SMARCA2: variants seen among roughly 807,000 people sequenced by gnomAD.
SMARCA2 encodes SWI/SNF-related matrix-associated actin-dependent regulator of chromatin subfamily A member 2.
Under a neutral mutation model 199.8 loss-of-function variants are expected in SMARCA2, and 61 were observed. That is an observed-to-expected ratio of 0.31 (90% CI 0.25 to 0.38). The LOEUF (loss-of-function observed/expected upper bound fraction) is 0.38. Ranked by LOEUF, SMARCA2 falls within the 10% of genes least tolerant of loss-of-function variation. The pLI is 1.00. For missense variants in SMARCA2, 1,344 were observed against 2,012.2 expected (o/e 0.67, Z 6.35); for synonymous variants, 935 against 732.0 (o/e 1.28, Z -4.48).
intron 21 of SMARCA2, among the ~76,000 whole-genome samples, chr9:2,097,825 C>G (rs2130530307): frequency 6.6e-6 from 1 of 152,270 alleles, no homozygotes; most frequent in African/African-American, 2.4e-5. Context: ...ATACATTCAG[C>G]TTCCTCAAAA....
At position 2,115,266 on chromosome 9, in the gene SMARCA2, T is replaced by G. The variant is rs375985577; in HGVS notation, c.3457-556T>G. 7.9e-4 allele frequency among the ~76,000 whole-genome samples: 120 copies of G among 152,290 alleles called. No homozygotes were observed. In the Middle Eastern group the frequency reaches 0.014, roughly 17 times the overall value. On this transcript the variant is annotated intron_variant, in intron 24 of 33. Transcript: ENST00000349721. The surrounding 1 kb of genome is among the most constrained non-coding windows in gnomAD (Gnocchi z 6.0). ...TACCCAACTAGCAATCCTTTTGATTTCCCAGATTGAAGACCGAGTCTTTGA... is the reference window on the plus strand; with the variant it reads ...TACCCAACTAGCAATCCTTTTGATTGCCCAGATTGAAGACCGAGTCTTTGA...
In SMARCA2 at chr9:2,039,421, G is replaced by A. The variant is rs371392379; in HGVS notation, c.356-45G>A. On this transcript the variant is annotated intron_variant, in intron 3 of 33. Transcript: ENST00000349721. This position sits in a 1 kb window ranked among gnomAD's most constrained non-coding sequence, Gnocchi z 4.8. ...GTATTCAGGGATATCTCTCTTTCAG[G>A]GTTGTCAGGGGCAGCCTGTGATTTC... 7.6e-6 allele frequency: 12 copies of A among 1,578,276 alleles called. No individual in the cohort carries two copies. The highest frequency in any genetic ancestry group is 1.0e-5 in the Non-Finnish European group (12 of 1,160,212).
At chr9:2,105,802 C>T (rs938876666) in intron 23 of SMARCA2, among the ~76,000 whole-genome samples, 1 of 152,128 alleles carries the variant, frequency 6.6e-6, no homozygotes, top group African/African-American at 2.4e-5. Flanking sequence ...GCTGTATTTT[C>T]CCCTGAACTG....
chr9:2,151,729 T>C (rs1259476480), intron 27 of SMARCA2, among the ~76,000 whole-genome samples: 1 of 152,004 alleles, frequency 6.6e-6, no homozygotes, highest in Non-Finnish European at 1.5e-5. Context: ...CAAGACTTCG[T>C]ATCAAAAATA....
intron 27 of SMARCA2, among the ~76,000 whole-genome samples, chr9:2,138,459 A>G (rs557163971): frequency 6.6e-6 from 1 of 152,316 alleles, no homozygotes; most frequent in South Asian, 2.1e-4. Context: ...CATATTCCTA[A>G]CATATCATGC....
At chr9:2,141,075 A>G (rs1205140247) in intron 27 of SMARCA2, among the ~76,000 whole-genome samples, 1 of 152,076 alleles carries the variant, frequency 6.6e-6, no homozygotes, top group Non-Finnish European at 1.5e-5. Flanking sequence ...TCTTACTGCC[A>G]CCAAGTTGGC....
chr9:2,063,121 G>C (rs1820676479), intron 9 of SMARCA2, among the ~76,000 whole-genome samples: 1 of 152,146 alleles, frequency 6.6e-6, no homozygotes, highest in African/African-American at 2.4e-5. Context: ...GCCCTCAGCA[G>C]GACTAAGTCG....
intron 27 of SMARCA2, among the ~76,000 whole-genome samples, chr9:2,142,082 C>G (rs548365305): frequency 3.3e-5 from 5 of 152,160 alleles, no homozygotes; most frequent in Non-Finnish European, 5.9e-5. Flanking sequence ...GTTTCCCTCT[C>G]CTTGGTTGTC....
In SMARCA2 at chr9:2,159,887, G is replaced by A. The variant is rs772643618; in HGVS notation, c.3982-1799G>A. 4 of 1,611,902 alleles carry A rather than the reference G, an allele frequency of 2.5e-6. No homozygotes were observed. In the African/African-American group the frequency reaches 4.0e-5, roughly 16 times the overall value. On this transcript the variant is annotated intron_variant, in intron 27 of 33. Transcript: ENST00000349721. ...TCCCCACTAACTGTGATTTCTGATA[G>A]CCGGCCTGCTGATAGTGGTAAGGTA... is the stretch of plus-strand genomic sequence containing the variant.
At chr9:2,190,239 A>T (rs1157446046) in intron 32 of SMARCA2, among the ~76,000 whole-genome samples, 1 of 152,240 alleles carries the variant, frequency 6.6e-6, no homozygotes, top group East Asian at 1.9e-4. Flanking sequence ...CTAATCTGAC[A>T]GAGCACTGTT....
At position 2,190,313 on chromosome 9, in the gene SMARCA2, T is replaced by C. The variant is rs1046245339; in HGVS notation, c.4595-953T>C. ...CAAATTCTACCAAGATACATTGAAA[T>C]AGGTTCACAGCAGCTTTGTTTATAC... On this transcript the variant is annotated intron_variant, in intron 32 of 33. Coordinates refer to ENST00000349721, the MANE Select transcript of SMARCA2 (RefSeq NM_003070.5). Among the ~76,000 whole-genome samples the C allele has an allele frequency of 3.1e-4, 45 of 145,434 alleles. 1 individual carries two copies. Among genetic ancestry groups the C allele is most frequent in the African/African-American group, 1.2e-3 (44 of 36,358 alleles).
chr9:2,050,887 A>G (rs1352270542), intron 5 of SMARCA2, among the ~76,000 whole-genome samples: 1 of 152,232 alleles, frequency 6.6e-6, no homozygotes, highest in Non-Finnish European at 1.5e-5. Flanking sequence ...TCTTGCCAGA[A>G]CAGTAACCCC....
At chr9:2,052,658 T>A (rs749257883) in intron 5 of SMARCA2, among the ~76,000 whole-genome samples, 10 of 152,358 alleles carry the variant, frequency 6.6e-5, no homozygotes, top group Non-Finnish European at 1.5e-4. Flanking sequence ...CCACCATTTT[T>A]AAATTTTTAA....
intron 3 of SMARCA2, among the ~76,000 whole-genome samples, chr9:2,036,109 C>T (rs1819318478): frequency 6.6e-6 from 1 of 151,984 alleles, no homozygotes; most frequent in African/African-American, 2.4e-5. Flanking sequence ...CTTATGGTCC[C>T]AATGATAACA....
chr9:2,192,940 T>G lies in SMARCA2; in HGVS notation c.*201T>G, dbSNP rs1827993818. The stretch of plus-strand genomic sequence containing the variant: ...ACATACACAAATATTTGTAACATAT[T>G]GTGACCAAATGGGCCTCAAAGATTC... On this transcript the variant is annotated 3_prime_UTR_variant, in exon 34 of 34. Coordinates refer to ENST00000349721, the MANE Select transcript of SMARCA2 (RefSeq NM_003070.5). 2 of 527,834 alleles carry G rather than the reference T, an allele frequency of 3.8e-6. No individual in the cohort carries two copies. The highest frequency in any genetic ancestry group is 3.7e-5 in the Admixed American group (1 of 27,230). 32.7% of individuals were successfully genotyped at this position (527,834 alleles called of 1,614,324 possible).
At chr9:2,063,220 A>T (rs887675981) in intron 9 of SMARCA2, among the ~76,000 whole-genome samples, 2 of 152,218 alleles carry the variant, frequency 1.3e-5, no homozygotes, top group African/African-American at 4.8e-5. Flanking sequence ...TGAGGCCCTT[A>T]GCCCTTCCTG....
chr9:2,159,052 A>G, intron 27 of SMARCA2: 1 of 1,561,120 alleles, frequency 6.4e-7, no homozygotes, highest in Non-Finnish European at 8.7e-7. Flanking sequence ...TAGCAGTTGT[A>G]ATAAAAATTG....
intron 14 of SMARCA2, among the ~76,000 whole-genome samples, chr9:2,080,456 C>T (rs1323161299): frequency 6.6e-6 from 1 of 152,166 alleles, no homozygotes; most frequent in Non-Finnish European, 1.5e-5. Context: ...AAAGCAGAAA[C>T]AAAAATTCAT....
intron 27 of SMARCA2, among the ~76,000 whole-genome samples, chr9:2,124,990 G>A (rs73638387): frequency 0.053 from 8,098 of 152,232 alleles, 712 homozygotes; most frequent in African/African-American, 0.18. Context: ...TTTTATCCAA[G>A]GGGAGTACAG....
Sources: allele counts gnomAD v4.1 joint callset (sites outside exome capture counted in the v4.1 genomes callset), GRCh38; gene constraint gnomAD v4.1.1; non-coding constraint Gnocchi (gnomAD v3.1); transcripts MANE v1.5; gene names NCBI Gene and HGNC (gene_info 2026-07-23, HGNC 2026-07-21).